TMEM132B: variants seen among roughly 807,000 people sequenced by gnomAD.
TMEM132B encodes the protein transmembrane protein 132B.
In TMEM132B, 18 loss-of-function variants were observed where a neutral mutation model predicts 90.8. That is an observed-to-expected ratio of 0.20 (90% CI 0.14 to 0.29). The LOEUF (loss-of-function observed/expected upper bound fraction) is 0.29, where lower values mean the gene tolerates loss of function less well. TMEM132B is among the 10% of genes least tolerant of loss of function. The pLI is 1.00. For missense variants in TMEM132B, 1,096 were observed against 1,326.8 expected (o/e 0.83, Z 2.70); for synonymous variants, 504 against 523.3 (o/e 0.96, Z 0.50).
At chr12:125,624,643 T>A (rs772518835) in intron 5 of TMEM132B, among the ~76,000 whole-genome samples, 1 of 152,260 alleles carries the variant, frequency 6.6e-6, no homozygotes, top group Non-Finnish European at 1.5e-5. Context: ...AAAAGCATCA[T>A]CCTATACTAT....
intron 5 of TMEM132B, among the ~76,000 whole-genome samples, chr12:125,592,053 G>T (rs1010444479): frequency 3.3e-5 from 5 of 152,104 alleles, no homozygotes; most frequent in Admixed American, 1.3e-4. Flanking sequence ...ATATCTTCTG[G>T]GAGGAGGTGA....
intron 3 of TMEM132B, among the ~76,000 whole-genome samples, chr12:125,437,387 A>G (rs1039445374): frequency 2.0e-5 from 3 of 152,222 alleles, no homozygotes; most frequent in Admixed American, 1.3e-4. Flanking sequence ...TAGTGCTGCT[A>G]TAAACAACCC....
chr12:125,461,287 A>C (rs1265393716), intron 3 of TMEM132B, among the ~76,000 whole-genome samples: 1 of 152,224 alleles, frequency 6.6e-6, no homozygotes, highest in African/African-American at 2.4e-5. Flanking sequence ...GGTCAGACCC[A>C]CACATGCTTA....
At chr12:125,418,312 G>A (rs1458600602) in intron 3 of TMEM132B, among the ~76,000 whole-genome samples, 1 of 152,112 alleles carries the variant, frequency 6.6e-6, no homozygotes, top group African/African-American at 2.4e-5. Flanking sequence ...TATAAGCAGA[G>A]TTACATAATT....
intron 5 of TMEM132B, among the ~76,000 whole-genome samples, chr12:125,632,729 G>A (rs1240484205): frequency 2.6e-5 from 4 of 151,906 alleles, no homozygotes; most frequent in Non-Finnish European, 4.4e-5. Context: ...CTCTCTTCTG[G>A]CCTTTAAGGT....
intron 7 of TMEM132B, among the ~76,000 whole-genome samples, chr12:125,651,401 C>T (rs952063444): frequency 1.3e-4 from 20 of 152,172 alleles, no homozygotes; most frequent in South Asian, 8.3e-4. Flanking sequence ...TATAATAATC[C>T]GTAGCTATTC....
intron 1 of TMEM132B, among the ~76,000 whole-genome samples, chr12:125,347,649 C>T (rs75119491): frequency 0.023 from 3,439 of 152,216 alleles, 116 homozygotes; most frequent in African/African-American, 0.076. Flanking sequence ...GCATTTTAAG[C>T]GCCACGGTCA....
intron 2 of TMEM132B, among the ~76,000 whole-genome samples, chr12:125,351,251 T>C (rs1323865606): frequency 6.6e-6 from 1 of 152,138 alleles, no homozygotes; most frequent in Admixed American, 6.5e-5. Flanking sequence ...TTGGCTGGGT[T>C]CCAATAAAAC....
chr12:125,605,660 T>A (rs543245679), intron 5 of TMEM132B, among the ~76,000 whole-genome samples: 5 of 152,134 alleles, frequency 3.3e-5, no homozygotes, highest in Non-Finnish European at 5.9e-5. Flanking sequence ...AATTTCAACA[T>A]ACTACTTAAT....
chr12:125,392,826 G>A (rs1299736943), intron 2 of TMEM132B, among the ~76,000 whole-genome samples: 1 of 152,200 alleles, frequency 6.6e-6, no homozygotes, highest in Admixed American at 6.5e-5. Flanking sequence ...AGGAACACCT[G>A]AGGTAATATG....
chr12:125,458,243 G>C lies in TMEM132B; in HGVS notation c.1106+42566G>C, dbSNP rs1456418984. On this transcript the variant is annotated intron_variant, in intron 3 of 8. Transcript: ENST00000682704. This position sits in a 1 kb window ranked among gnomAD's most constrained non-coding sequence, Gnocchi z 4.9. Reference sequence around the variant, plus strand: ...GGACAAGGCCCTTGTCCAAGGACAAGGGATGGAGCCTGGGACACAAGTCCT... The same window carrying C: ...GGACAAGGCCCTTGTCCAAGGACAACGGATGGAGCCTGGGACACAAGTCCT... Among the ~76,000 whole-genome samples the C allele has an allele frequency of 6.6e-6, 1 of 151,982 alleles. No homozygotes were observed. The highest frequency in any genetic ancestry group is 1.5e-5 in the Non-Finnish European group (1 of 67,974).
intron 1 of TMEM132B, among the ~76,000 whole-genome samples, chr12:125,313,331 A>T (rs1876165510): frequency 6.6e-6 from 1 of 152,126 alleles, no homozygotes; most frequent in African/African-American, 2.4e-5. Context: ...ATGGTTAGTT[A>T]TATGATGCAC....
chr12:125,421,833 G>A (rs1421181737), intron 3 of TMEM132B, among the ~76,000 whole-genome samples: 1 of 152,202 alleles, frequency 6.6e-6, no homozygotes, highest in Non-Finnish European at 1.5e-5. Flanking sequence ...ATGGATTTGT[G>A]AAACATGAAC....
chr12:125,287,516 A>T (rs1237953581), intron 1 of TMEM132B, among the ~76,000 whole-genome samples: 1 of 152,214 alleles, frequency 6.6e-6, no homozygotes, highest in Non-Finnish European at 1.5e-5. Flanking sequence ...CAATACTCAG[A>T]TGAAAACAAA....
At chr12:125,627,735 C>T (rs1886268171) in intron 5 of TMEM132B, among the ~76,000 whole-genome samples, 1 of 151,946 alleles carries the variant, frequency 6.6e-6, no homozygotes, top group South Asian at 2.1e-4. Flanking sequence ...TCATAGTCAC[C>T]CTGCTGTGCT....
chr12:125,450,525 G>T (rs1292472807), intron 3 of TMEM132B, among the ~76,000 whole-genome samples: 1 of 152,086 alleles, frequency 6.6e-6, no homozygotes, highest in Admixed American at 6.6e-5. Context: ...TGACTTTTTG[G>T]CTTTCTCTTG....
intron 1 of TMEM132B, among the ~76,000 whole-genome samples, chr12:125,278,612 TG>T (rs921303886): frequency 1.3e-5 from 2 of 151,992 alleles, no homozygotes; most frequent in African/African-American, 4.8e-5. Flanking sequence ...AGCTTCTTTT[TG>T]GGGATGGGGT....
chr12:125,454,364 C>T (rs1046361711), intron 3 of TMEM132B, among the ~76,000 whole-genome samples: 2 of 150,696 alleles, frequency 1.3e-5, no homozygotes, highest in African/African-American at 4.9e-5. Context: ...AAGTGCCTGC[C>T]TACAGCCAGC....
intron 1 of TMEM132B, among the ~76,000 whole-genome samples, chr12:125,300,243 C>T (rs1875787872): frequency 6.6e-6 from 1 of 152,130 alleles, no homozygotes; most frequent in Admixed American, 6.5e-5. Flanking sequence ...GCTGTGCTGC[C>T]CAGGGTGGTC....
Sources: gnomAD v4.1 joint callset for allele counts (sites outside exome capture counted in the v4.1 genomes callset) on GRCh38, gnomAD v4.1.1 for gene constraint, Gnocchi (gnomAD v3.1) non-coding constraint, MANE v1.5 for transcripts, NCBI Gene and HGNC (gene_info 2026-07-23, HGNC 2026-07-21) for gene names.